The following DLGAP1 variants were observed in gnomAD, a reference collection of about 807,000 sequenced individuals.
DLGAP1 encodes DLG associated protein 1.
DLGAP1 carries 11 observed loss-of-function variants against 90.8 expected under a neutral mutation model. The observed-to-expected ratio is 0.12, with a 90% CI of 0.08 to 0.20. The LOEUF (loss-of-function observed/expected upper bound fraction) is 0.20. DLGAP1 is among the 10% of genes least tolerant of loss of function. DLGAP1 has a pLI of 1.00. For missense variants in DLGAP1, 1,050 were observed against 1,333.8 expected, an observed-to-expected ratio of 0.79 and a Z score of 3.31; for synonymous variants, 558 against 540.7, an observed-to-expected ratio of 1.03 and a Z score of -0.44.
At chr18:4,016,724 T>C (rs2074529251) in intron 2 of DLGAP1, among the ~76,000 whole-genome samples, 2 of 152,304 alleles carry the variant, frequency 1.3e-5, no homozygotes, top group South Asian at 4.1e-4. Context: ...ACCAGAAGTG[T>C]GATACTTCTA....
chr18:3,780,181 G>A (rs1019227152), intron 5 of DLGAP1, among the ~76,000 whole-genome samples: 1 of 152,056 alleles, frequency 6.6e-6, no homozygotes, highest in Non-Finnish European at 1.5e-5. Flanking sequence ...TAACTGGCAT[G>A]GGTAAAAAAT....
At chr18:3,784,319 T>G (rs1380379305) in intron 5 of DLGAP1, among the ~76,000 whole-genome samples, 2 of 152,064 alleles carry the variant, frequency 1.3e-5, no homozygotes, top group Admixed American at 1.3e-4. Context: ...AGTTGTTGGG[T>G]CTCGATGTGT....
At chr18:4,345,153 T>C (rs1474479207) in intron 1 of DLGAP1, among the ~76,000 whole-genome samples, 2 of 152,190 alleles carry the variant, frequency 1.3e-5, no homozygotes, top group Non-Finnish European at 2.9e-5. Context: ...CCTTAGCTTC[T>C]GCTCTCATAG....
intron 2 of DLGAP1, among the ~76,000 whole-genome samples, chr18:4,026,866 T>G (rs2074708187): frequency 6.6e-6 from 1 of 152,174 alleles, no homozygotes; most frequent in South Asian, 2.1e-4. Context: ...ACAGGATTGT[T>G]CCTTTCCAAG....
chr18:3,547,325 A>G (rs1257080911), intron 9 of DLGAP1, among the ~76,000 whole-genome samples: 1 of 148,962 alleles, frequency 6.7e-6, no homozygotes, highest in Non-Finnish European at 1.5e-5. Flanking sequence ...AAAAAAAAAG[A>G]ATGGGAGAAA....
rs1371098883 is a variant in DLGAP1, at chr18:3,602,467, C to T, written c.1592-20219G>A. On this transcript the variant is annotated intron_variant, in intron 7 of 12. Transcript: ENST00000315677. ...AAAATTAGCCGGGCGTGGTGGCGGGCGCCTGTAGTCCCAGCTACTCGGGAG... is the reference window on the plus strand; with the variant it reads ...AAAATTAGCCGGGCGTGGTGGCGGGTGCCTGTAGTCCCAGCTACTCGGGAG... 3.3e-5 allele frequency among the ~76,000 whole-genome samples: 5 copies of T among 150,922 alleles called. No homozygotes were observed. The East Asian group carries it at 9.8e-4, about 30-fold the overall frequency.
chr18:4,242,032 A>C (rs1170381397), intron 1 of DLGAP1, among the ~76,000 whole-genome samples: 1 of 152,178 alleles, frequency 6.6e-6, no homozygotes, highest in Non-Finnish European at 1.5e-5. Flanking sequence ...TAGAAAAATG[A>C]TACATTATTT....
intron 3 of DLGAP1, among the ~76,000 whole-genome samples, chr18:4,000,986 A>C (rs2074172925): frequency 6.6e-6 from 1 of 152,092 alleles, no homozygotes; most frequent in South Asian, 2.1e-4. Flanking sequence ...ATAATTGATA[A>C]TATTTGTTCT....
chr18:4,196,036 G>C (rs2077491812), intron 1 of DLGAP1, among the ~76,000 whole-genome samples: 1 of 152,178 alleles, frequency 6.6e-6, no homozygotes, highest in South Asian at 2.1e-4. Context: ...AGAAGGGTGA[G>C]ATCAAAGAAA....
rs1300714688 is a variant in DLGAP1, at chr18:3,682,153, A to C, written c.1591+46982T>G. 2.6e-5 allele frequency among the ~76,000 whole-genome samples: 4 copies of C among 151,260 alleles called. No homozygotes were observed. In the South Asian group the frequency reaches 8.3e-4, roughly 32 times the overall value. ...AAATAAAAAAAAATAAAAATAACGA[A>C]CGAACTAACTAATTAACTAAATAAA... On this transcript the variant is annotated intron_variant, in intron 7 of 12. Transcript: ENST00000315677.
At chr18:4,099,333 ATCTATCTATCTATCTGTCTGTCTG>A (rs1352563526) in intron 2 of DLGAP1, among the ~76,000 whole-genome samples, 5 of 141,786 alleles carry the variant, frequency 3.5e-5, no homozygotes, top group South Asian at 2.2e-4. Flanking sequence ...CTATCTATCT[ATCTATCTATCTATCTGTCTGTCTG>A]TCTATCTTTT....
At chr18:3,875,633 C>A (rs1313699757) in intron 4 of DLGAP1, among the ~76,000 whole-genome samples, 1 of 152,214 alleles carries the variant, frequency 6.6e-6, no homozygotes. Flanking sequence ...ATCTTAGCTT[C>A]TTCAACTGTG....
chr18:4,318,298 A>C (rs953826297), intron 1 of DLGAP1, among the ~76,000 whole-genome samples: 17 of 152,248 alleles, frequency 1.1e-4, no homozygotes, highest in Non-Finnish European at 1.5e-5. Context: ...AAGAAAATTC[A>C]GTGCATTTCT....
At position 4,265,183 on chromosome 18, in the gene DLGAP1, CTTTT is replaced by C. The variant is rs1197959755; in HGVS notation, c.-266-113900_-266-113897del. 3.7e-5 allele frequency among the ~76,000 whole-genome samples: 5 copies of C among 136,470 alleles called. No individual in the cohort carries two copies. In the East Asian group the frequency reaches 1.1e-3, roughly 30 times the overall value. 89.5% of individuals were successfully genotyped at this position (136,470 alleles called of 152,430 possible). A position where few individuals can be genotyped will look rare whatever the true frequency, so the allele number is the denominator to read the frequency against. ...TCCTCCCTTCTTTCTCTCTTTCTTTCTTTTTGACGGAGTCTCCCTCTGTCACCCA... is the reference window on the plus strand; with the variant it reads ...TCCTCCCTTCTTTCTCTCTTTCTTTCTGACGGAGTCTCCCTCTGTCACCCA... On this transcript the variant is annotated intron_variant, in intron 1 of 12. Transcript: ENST00000315677.
At chr18:3,790,071 G>T (rs1207986617) in intron 5 of DLGAP1, among the ~76,000 whole-genome samples, 1 of 152,046 alleles carries the variant, frequency 6.6e-6, no homozygotes, top group African/African-American at 2.4e-5. Flanking sequence ...TTGAGGAGAT[G>T]CCTATTAGCC....
intron 5 of DLGAP1, among the ~76,000 whole-genome samples, chr18:3,801,991 GTTTGTTTT>G (rs201979055): frequency 0.082 from 9,272 of 112,412 alleles, 323 homozygotes; most frequent in South Asian, 0.19. Context: ...TTGTTTGTTT[GTTTGTTTT>G]TTTGAGATGG....
chr18:3,690,635 A>G (rs1312676317), intron 7 of DLGAP1, among the ~76,000 whole-genome samples: 2 of 152,232 alleles, frequency 1.3e-5, no homozygotes, highest in African/African-American at 4.8e-5. Flanking sequence ...GAAGAGAGTA[A>G]TTTTTAAAAA....
intron 4 of DLGAP1, among the ~76,000 whole-genome samples, chr18:3,834,400 C>A (rs2068253609): frequency 2.0e-5 from 3 of 150,514 alleles, no homozygotes; most frequent in Non-Finnish European, 4.4e-5. Flanking sequence ...GAATACTGTT[C>A]CCCAATATGT....
At chr18:4,135,474 A>T (rs1289461112) in intron 2 of DLGAP1, among the ~76,000 whole-genome samples, 1 of 152,212 alleles carries the variant, frequency 6.6e-6, no homozygotes, top group Non-Finnish European at 1.5e-5. Context: ...CTATTTAAAC[A>T]TTTAGTAACT....
Sources: allele counts gnomAD v4.1 joint callset (sites outside exome capture counted in the v4.1 genomes callset), GRCh38; gene constraint gnomAD v4.1.1; transcripts MANE v1.5; gene names NCBI Gene and HGNC (gene_info 2026-07-23, HGNC 2026-07-21).